OPHN1: variants seen among roughly 807,000 people sequenced by gnomAD.
OPHN1 encodes oligophrenin-1.
In OPHN1, 11 loss-of-function variants were observed where a neutral mutation model predicts 60.7. The ratio of observed to expected loss-of-function variants is 0.18; its 90% CI spans 0.11 to 0.30. The LOEUF (loss-of-function observed/expected upper bound fraction) is 0.30. OPHN1 is among the 10% of genes least tolerant of loss of function. The pLI, the probability that OPHN1 is intolerant of heterozygous loss-of-function variation, is 1.00. For synonymous variants in OPHN1, 226 were observed against 222.6 expected (o/e 1.02, Z -0.14); for missense variants, 449 against 611.0 (o/e 0.73, Z 2.80).
intron 15 of OPHN1, among the ~76,000 whole-genome samples, chrX:68,191,179 G>C (rs2077486428): frequency 8.9e-6 from 1 of 111,850 alleles, no homozygotes; most frequent in South Asian, 3.7e-4. Context: ...AAGGAAGAAG[G>C]GTAGGTTTGC....
intron 2 of OPHN1, among the ~76,000 whole-genome samples, chrX:68,329,053 G>A (rs1348222703): frequency 9.0e-6 from 1 of 111,515 alleles, no homozygotes; most frequent in Non-Finnish European, 1.9e-5. Flanking sequence ...AAGTGACTGG[G>A]ATTACAGGCG....
chrX:68,053,753 C>T lies in OPHN1; in HGVS notation c.2216G>A (p.Arg739His), dbSNP rs770024232. Residue 739 changes from arginine to histidine, a missense_variant, in exon 22 of 25, where the codon CGC (arginine) becomes CAC (histidine). Physicochemically the swap from Arg to His is conservative, Grantham distance 29. Transcript: ENST00000355520. Reference protein sequence around the residue: ...RPPGEKPTIIRPPVRPPDPPC... With the variant: ...RPPGEKPTIIHPPVRPPDPPC... ...AGGATCTGGGGGCCTCACTGGGGGG[C>T]GGATGATGGTTGGCTTTTCTCCTGG... 4 of 1,210,531 alleles carry T rather than the reference C, an allele frequency of 3.3e-6. No individual in the cohort carries two copies. Among genetic ancestry groups the T allele is most frequent in the Admixed American group, 2.2e-5 (1 of 45,908 alleles).
chrX:68,219,992 G>A (rs1170523031), intron 6 of OPHN1, among the ~76,000 whole-genome samples: 8 of 80,796 alleles, frequency 9.9e-5, no homozygotes, highest in Admixed American at 2.8e-4. Context: ...GAATCCAGGA[G>A]CTGGTTTTTT....
At chrX:68,107,155 A>T (rs928947152) in intron 18 of OPHN1, among the ~76,000 whole-genome samples, 2 of 112,159 alleles carry the variant, frequency 1.8e-5, no homozygotes, top group African/African-American at 6.5e-5. Flanking sequence ...ATTCTATATC[A>T]TCTAATATCT....
At chrX:68,210,844 G>A (rs2147480287) in intron 8 of OPHN1, among the ~76,000 whole-genome samples, 1 of 111,755 alleles carries the variant, frequency 8.9e-6, no homozygotes, top group Non-Finnish European at 1.9e-5. Flanking sequence ...AAACACAATG[G>A]TAAGACATGT....
chrX:68,274,525 C>A (rs774319576), intron 5 of OPHN1, among the ~76,000 whole-genome samples: 131 of 111,419 alleles, frequency 1.2e-3, no homozygotes, highest in African/African-American at 3.8e-3. Context: ...CTCCCCACCC[C>A]CTTTGTCATG....
At chrX:68,218,666 A>G (rs1457633271) in intron 6 of OPHN1, among the ~76,000 whole-genome samples, 1 of 106,155 alleles carries the variant, frequency 9.4e-6, no homozygotes, top group Non-Finnish European at 1.9e-5. Context: ...AGAATTTCAT[A>G]TCCAGCCAAA....
At chrX:68,304,435 T>G (rs1160252129) in intron 2 of OPHN1, among the ~76,000 whole-genome samples, 2 of 111,244 alleles carry the variant, frequency 1.8e-5, no homozygotes, top group Non-Finnish European at 3.8e-5. Flanking sequence ...TGTCATATAT[T>G]TATTATTTGC....
chrX:68,054,366 G>C (rs2076864395), intron 21 of OPHN1, among the ~76,000 whole-genome samples: 1 of 110,762 alleles, frequency 9.0e-6, no homozygotes, highest in African/African-American at 3.3e-5. Flanking sequence ...GGTTCTAGTA[G>C]GACTATAGTG....
intron 15 of OPHN1, among the ~76,000 whole-genome samples, chrX:68,136,545 C>T (rs1032315069): frequency 1.4e-4 from 16 of 110,416 alleles, no homozygotes; most frequent in Admixed American, 8.7e-4. Flanking sequence ...CCTCGTGATC[C>T]GCCCGCCTCA....
chrX:68,261,949 G>A (rs922733457), intron 5 of OPHN1, among the ~76,000 whole-genome samples: 1 of 111,640 alleles, frequency 9.0e-6, no homozygotes, highest in African/African-American at 3.3e-5. Flanking sequence ...TGTGGTTGAT[G>A]GGAGTTGAGG....
In OPHN1 at chrX:68,387,937, G is replaced by A. The variant is rs139215827; in HGVS notation, c.154+44930C>T. Among the ~76,000 whole-genome samples the A allele has an allele frequency of 5.8e-3, 641 of 110,630 alleles. 3 individuals carry two copies. Among genetic ancestry groups the A allele is most frequent in the Non-Finnish European group, 9.0e-3 (478 of 53,034 alleles). On this transcript the variant is annotated intron_variant, in intron 2 of 24. Transcript: ENST00000355520. The stretch of plus-strand genomic sequence containing the variant: ...ATTTGAGCTGGAGCTTGAAGAATGA[G>A]TATTTCCAGACGGAGAAAATGTGTG...
intron 5 of OPHN1, among the ~76,000 whole-genome samples, chrX:68,258,583 G>A (rs910323651): frequency 4.6e-5 from 5 of 108,670 alleles, no homozygotes; most frequent in Non-Finnish European, 9.5e-5. Flanking sequence ...TCCCTACAAA[G>A]GACATGAACT....
chrX:68,254,554 C>G (rs1227874419), intron 5 of OPHN1, among the ~76,000 whole-genome samples: 8 of 111,010 alleles, frequency 7.2e-5, no homozygotes, highest in Non-Finnish European at 1.5e-4. Context: ...AGTGAGCCCC[C>G]CTCCCAGGCC....
chrX:68,330,497 T>C (rs910858889), intron 2 of OPHN1, among the ~76,000 whole-genome samples: 16 of 111,343 alleles, frequency 1.4e-4, no homozygotes, highest in African/African-American at 5.2e-4. Flanking sequence ...AGTGTCCTAG[T>C]GAGTATTATA....
intron 21 of OPHN1, 34 bp from the exon 22 acceptor site, chrX:68,053,844 G>T: frequency 8.4e-7 from 1 of 1,196,958 alleles, no homozygotes; most frequent in Non-Finnish European, 1.1e-6. Flanking sequence ...AACTTGGATG[G>T]TTAGCCAAAC....
chrX:68,275,980 C>T (rs943804946), intron 4 of OPHN1, among the ~76,000 whole-genome samples: 3 of 110,904 alleles, frequency 2.7e-5, no homozygotes, highest in African/African-American at 9.9e-5. Flanking sequence ...TACTGCAGCT[C>T]CTAATGCTAT....
intron 6 of OPHN1, among the ~76,000 whole-genome samples, chrX:68,216,538 T>C (rs187020653): frequency 7.2e-5 from 8 of 111,191 alleles, no homozygotes; most frequent in Admixed American, 6.7e-4. Context: ...ATAAAACTTC[T>C]AGACTAAAAC....
intron 2 of OPHN1, among the ~76,000 whole-genome samples, chrX:68,350,500 TTTCC>T (rs1303955647): frequency 4.6e-5 from 3 of 64,869 alleles, no homozygotes; most frequent in Non-Finnish European, 8.4e-5. Context: ...CCCTTCCTCC[TTTCC>T]TTCCTTCCTC....
Sources: gnomAD v4.1 joint callset for allele counts (sites outside exome capture counted in the v4.1 genomes callset) on GRCh38, gnomAD v4.1.1 for gene constraint, MANE v1.5 for transcripts, NCBI Gene and HGNC (gene_info 2026-07-23, HGNC 2026-07-21) for gene names.